GRIN2D: variants seen among roughly 807,000 people sequenced by gnomAD.
GRIN2D encodes the protein glutamate ionotropic receptor NMDA type subunit 2D, also known as glutamate receptor ionotropic, NMDA 2D.
In GRIN2D, 37 loss-of-function variants were observed where a neutral mutation model predicts 103.2. That is an observed-to-expected ratio of 0.36 (90% CI 0.28 to 0.47). The LOEUF is 0.47. GRIN2D is among the 20% of genes least tolerant of loss of function. The pLI, the probability that GRIN2D is intolerant of heterozygous loss-of-function variation, is 1.00. For synonymous variants in GRIN2D, 845 were observed against 885.6 expected, an observed-to-expected ratio of 0.95 and a Z score of 0.81; for missense variants, 1,557 against 1,910.6, an observed-to-expected ratio of 0.81 and a Z score of 3.45.
In GRIN2D at chr19:48,443,841, G is replaced by T; in HGVS notation, c.3915G>T (p.Pro1305=). Residue 1305 remains proline, a synonymous_variant, in exon 14 of 14, where the codon CCG becomes CCT. Transcript: ENST00000263269. The surrounding 1 kb of genome is among the most constrained non-coding windows in gnomAD (Gnocchi z 8.9). The part of the protein sequence containing the change: ...RRCPHAAHWG[P]PLPTASHRRH... ...GTCCGCACGCCGCGCACTGGGGGCC[G>T]CCGCTGCCCACAGCTTCCCACCGGA... 6.7e-7 allele frequency: 1 copy of T among 1,483,700 alleles called. No individual in the cohort carries two copies. Among genetic ancestry groups the T allele is most frequent in the African/African-American group, 1.5e-5 (1 of 68,382 alleles). 91.9% of individuals were successfully genotyped at this position (1,483,700 alleles called of 1,614,324 possible).
intron 4 of GRIN2D, among the ~76,000 whole-genome samples, chr19:48,412,448 AG>A (rs1944939103): frequency 2.0e-5 from 3 of 150,808 alleles, no homozygotes; most frequent in African/African-American, 4.9e-5. Context: ...AAAGAAAGAA[AG>A]AAAGAAAGAA....
At chr19:48,420,247 T>A (rs1971004731) in intron 10 of GRIN2D, among the ~76,000 whole-genome samples, 1 of 150,346 alleles carries the variant, frequency 6.7e-6, no homozygotes, top group Admixed American at 6.6e-5. Flanking sequence ...GCTAACACGG[T>A]GAAACCCCGT....
chr19:48,425,975 C>G (rs1218949386), intron 11 of GRIN2D, among the ~76,000 whole-genome samples: 1 of 152,036 alleles, frequency 6.6e-6, no homozygotes, highest in Non-Finnish European at 1.5e-5. Context: ...TTAGTTTTGC[C>G]TGATTTTGAA....
At chr19:48,426,224 C>CTTTTTTTTTTTTTTCTT (rs1555893888) in intron 11 of GRIN2D, among the ~76,000 whole-genome samples, 2,916 of 119,716 alleles carry the variant, frequency 0.024, 54 homozygotes, top group Middle Eastern at 0.061. Flanking sequence ...TTCTTTCTTT[C>CTTTTTTTTTTTTTTCTT]TTTTTTTTTT....
In GRIN2D at chr19:48,416,136, G is replaced by A. The variant is rs1970945544; in HGVS notation, c.1716G>A (p.Val572=). Residue 572 remains valine, a synonymous_variant, in exon 8 of 14, where the codon GTG becomes GTA. Coordinates refer to ENST00000263269, the MANE Select transcript of GRIN2D (RefSeq NM_000836.4). ...SVMVARSNGT[V]SPSAFLEPYS... is the part of the protein sequence containing the mutation. ...TGGTGGCGCGCAGCAATGGCACGGT[G>A]TCCCCCTCGGCCTTCCTCGGTAATC... is the stretch of plus-strand genomic sequence containing the variant. 4 of 1,613,710 alleles carry A rather than the reference G, an allele frequency of 2.5e-6. No individual in the cohort carries two copies. Among genetic ancestry groups the A allele is most frequent in the Non-Finnish European group, 3.4e-6 (4 of 1,179,970 alleles).
intron 11 of GRIN2D, among the ~76,000 whole-genome samples, chr19:48,426,001 A>G (rs992731952): frequency 1.3e-5 from 2 of 152,100 alleles, no homozygotes; most frequent in Non-Finnish European, 2.9e-5. Flanking sequence ...TCTAAACAGA[A>G]TCAAACAGTG....
chr19:48,425,426 G>A lies in GRIN2D; in HGVS notation c.2252+3481G>A, dbSNP rs369367563. On this transcript the variant is annotated intron_variant, in intron 11 of 13. Transcript: ENST00000263269. Reference sequence around the variant, plus strand: ...CCGGCTAATTTTTCTATTTTTAGTAGACATGTGATTTCACTATGTTGGTCA... The same window carrying A: ...CCGGCTAATTTTTCTATTTTTAGTAAACATGTGATTTCACTATGTTGGTCA... 1.3e-4 allele frequency among the ~76,000 whole-genome samples: 20 copies of A among 152,284 alleles called. 1 individual carries two copies. The East Asian group carries it at 3.1e-3, about 24-fold the overall frequency.
At chr19:48,434,952 G>A (rs1167905547) in intron 11 of GRIN2D, among the ~76,000 whole-genome samples, 1 of 151,986 alleles carries the variant, frequency 6.6e-6, no homozygotes, top group African/African-American at 2.4e-5. Flanking sequence ...CACATATTTT[G>A]TAATTTATTT....
At chr19:48,432,457 C>G (rs1971169789) in intron 11 of GRIN2D, among the ~76,000 whole-genome samples, 1 of 150,048 alleles carries the variant, frequency 6.7e-6, no homozygotes, top group African/African-American at 2.5e-5. Flanking sequence ...CAATATCTCC[C>G]TCTCCTTCAT....
intron 11 of GRIN2D, among the ~76,000 whole-genome samples, chr19:48,432,393 T>C (rs1247265572): frequency 1.3e-5 from 2 of 152,138 alleles, no homozygotes; most frequent in Admixed American, 6.6e-5. Context: ...AATCGTATTC[T>C]CATGTCATTT....
intron 11 of GRIN2D, among the ~76,000 whole-genome samples, chr19:48,440,507 C>T (rs768305602): frequency 3.3e-5 from 5 of 152,106 alleles, no homozygotes; most frequent in Admixed American, 6.6e-5. Context: ...GCAGGAGGTT[C>T]GGTTGAACCG....
rs1312471296 is a variant in GRIN2D at position 48,443,294 on chromosome 19, G to A, written c.3368G>A (p.Gly1123Asp). The A allele has an allele frequency of 1.9e-6, 3 of 1,541,550 alleles. No homozygotes were observed. The highest frequency in any genetic ancestry group is 2.6e-6 in the Non-Finnish European group (3 of 1,153,864). The change falls in exon 14 of 14, where the codon GGC (glycine) becomes GAC (aspartate). Residue 1123 changes from glycine to aspartate, a missense_variant. Around this residue, in one of 7 missense-constraint regions of GRIN2D, gnomAD observed 632 missense variants for 572.8 expected, o/e 1.10. Coordinates refer to ENST00000263269, the MANE Select transcript of GRIN2D (RefSeq NM_000836.4). This position sits in a 1 kb window ranked among gnomAD's most constrained non-coding sequence, Gnocchi z 8.9. ...SDSEDSESLGGASLGGLEPWW... is the reference protein window; with the variant it reads ...SDSEDSESLGDASLGGLEPWW... ...TCGGAGGACTCGGAGAGCCTGGGCGGCGCGTCGCTGGGCGGCCTGGAGCCC... is the reference window on the plus strand; with the variant it reads ...TCGGAGGACTCGGAGAGCCTGGGCGACGCGTCGCTGGGCGGCCTGGAGCCC...
At position 48,393,721 on chromosome 19, in the gene GRIN2D, G is replaced by A. The variant is rs912792879; in HGVS notation, c.-453G>A. Among the ~76,000 whole-genome samples the A allele has an allele frequency of 6.6e-6, 1 of 152,166 alleles. No homozygotes were observed. Among genetic ancestry groups the A allele is most frequent in the East Asian group, 1.9e-4 (1 of 5,150 alleles). ...CACAGCGAGTGTGTGAGTCCCTCCC[G>A]CTCCAGCTCCTCCAAGCCGCGGCCG... On this transcript the variant is annotated 5_prime_UTR_variant, in exon 1 of 14. Transcript: ENST00000263269. This position sits in a 1 kb window ranked among gnomAD's most constrained non-coding sequence, Gnocchi z 5.6.
In GRIN2D at chr19:48,442,495, C is replaced by G. The variant is rs1418007815; in HGVS notation, c.2674-105C>G. The G allele has an allele frequency of 4.0e-6, 6 of 1,507,186 alleles. No homozygotes were observed. Among genetic ancestry groups the G allele is most frequent in the Non-Finnish European group, 5.3e-6 (6 of 1,128,682 alleles). 93.4% of individuals were successfully genotyped at this position (1,507,186 alleles called of 1,614,324 possible). A position where few individuals can be genotyped will look rare whatever the true frequency, so the allele number is the denominator to read the frequency against. On this transcript the variant is annotated intron_variant, in intron 13 of 13. Coordinates refer to ENST00000263269, the MANE Select transcript of GRIN2D (RefSeq NM_000836.4). The surrounding 1 kb of genome is among the most constrained non-coding windows in gnomAD (Gnocchi z 7.2). Reference sequence around the variant, plus strand: ...GAGATGTGGATAGTGGGGAAGAGAGCGGGAAACACAGGCGGGTAAATGGAG... The same window carrying G: ...GAGATGTGGATAGTGGGGAAGAGAGGGGGAAACACAGGCGGGTAAATGGAG...
chr19:48,425,782 CT>C (rs566440284), intron 11 of GRIN2D, among the ~76,000 whole-genome samples: 33 of 151,886 alleles, frequency 2.2e-4, no homozygotes, highest in East Asian at 7.7e-4. Context: ...TATTTTTCAT[CT>C]TTTTTTTATT....
intron 10 of GRIN2D, 49 bp downstream of exon 10, chr19:48,419,863 T>TG (rs752496960): frequency 2.0e-6 from 2 of 1,011,440 alleles, no homozygotes; most frequent in Non-Finnish European, 2.8e-6. Flanking sequence ...GGGCTGGAGG[T>TG]CACAGAGCTT....
At chr19:48,412,136 C>T (rs1349865134) in intron 4 of GRIN2D, among the ~76,000 whole-genome samples, 1 of 151,616 alleles carries the variant, frequency 6.6e-6, no homozygotes, top group Non-Finnish European at 1.5e-5. Flanking sequence ...ACCATCCTGG[C>T]TAACACGGTG....
At chr19:48,424,473 T>C (rs1971064464) in intron 11 of GRIN2D, among the ~76,000 whole-genome samples, 1 of 151,104 alleles carries the variant, frequency 6.6e-6, no homozygotes, top group African/African-American at 2.4e-5. Context: ...GGTTTCACCG[T>C]GTTAGCCAGG....
At chr19:48,408,202 C>T (rs896727052) in intron 4 of GRIN2D, among the ~76,000 whole-genome samples, 86 of 151,902 alleles carry the variant, frequency 5.7e-4, no homozygotes, top group Admixed American at 1.0e-3. Flanking sequence ...GGCGTGGTGG[C>T]GGGCGCCTGT....
Sources: gnomAD v4.1 joint callset for allele counts (sites outside exome capture counted in the v4.1 genomes callset) on GRCh38, gnomAD v4.1.1 for gene constraint, gnomAD v4.1.1 regional missense constraint, Gnocchi (gnomAD v3.1) non-coding constraint, MANE v1.5 for transcripts, NCBI Gene and HGNC (gene_info 2026-07-23, HGNC 2026-07-21) for gene names.